Variants in PTPN2 observed in about 807,000 individuals in gnomAD.
PTPN2 encodes protein tyrosine phosphatase non-receptor type 2.
PTPN2 carries 19 observed loss-of-function variants against 57.3 expected under a neutral mutation model. That is an observed-to-expected ratio of 0.33 (90% CI 0.23 to 0.49). The LOEUF is 0.49. Among genes scored for constraint, PTPN2 ranks in the 20% least tolerant of loss-of-function variants. The probability of loss-of-function intolerance (pLI) is 0.99; values close to 1 mark genes in which losing one functional copy is unlikely to be tolerated. For missense variants in PTPN2, 358 were observed against 501.1 expected (o/e 0.71, Z 2.73); for synonymous variants, 153 against 164.9 (o/e 0.93, Z 0.55).
At chr18:12,873,532 C>T (rs1453147688) in intron 1 of PTPN2, among the ~76,000 whole-genome samples, 1 of 152,234 alleles carries the variant, frequency 6.6e-6, no homozygotes, top group Non-Finnish European at 1.5e-5. Context: ...GCGAGTGATC[C>T]GCCAGCCTCG....
intron 1 of PTPN2, 146 bp downstream of exon 1, chr18:12,883,927 G>T (rs2044761573): frequency 1.8e-6 from 1 of 549,470 alleles, no homozygotes; most frequent in Non-Finnish European, 3.1e-6. Flanking sequence ...GCGCAGGCGC[G>T]CCCCTGACGC....
downstream of PTPN2, among the ~76,000 whole-genome samples, chr18:12,791,642 A>C (rs183287508): frequency 6.9e-4 from 105 of 152,172 alleles, no homozygotes; most frequent in African/African-American, 2.5e-3. Flanking sequence ...ACTGAACACT[A>C]TTTAAAGCAT....
intron 1 of PTPN2, among the ~76,000 whole-genome samples, chr18:12,868,417 G>A (rs1029967446): frequency 6.6e-6 from 1 of 151,740 alleles, no homozygotes; most frequent in African/African-American, 2.4e-5. Context: ...ACCATGCCTG[G>A]CTAATTTTTG....
At chr18:12,816,660 C>T (rs1353976756) in intron 6 of PTPN2, among the ~76,000 whole-genome samples, 1 of 152,118 alleles carries the variant, frequency 6.6e-6, no homozygotes, top group Non-Finnish European at 1.5e-5. Context: ...AGACAGGAAC[C>T]TCAGGGGAGT....
chr18:12,875,318 A>T (rs565113), intron 1 of PTPN2, among the ~76,000 whole-genome samples: 15 of 39,046 alleles, frequency 3.8e-4, no homozygotes, highest in South Asian at 2.3e-3. Flanking sequence ...AATAAAAATT[A>T]AAAAAAAAAA....
chr18:12,817,122 A>G (rs372037050), intron 6 of PTPN2, 34 bp downstream of exon 6: 151 of 1,572,608 alleles, frequency 9.6e-5, no homozygotes, highest in Middle Eastern at 1.7e-4. Flanking sequence ...AAAAAAATCA[A>G]TGAGATTAAA....
At chr18:12,814,595 A>C (rs2042003074) in intron 6 of PTPN2, among the ~76,000 whole-genome samples, 1 of 152,148 alleles carries the variant, frequency 6.6e-6, no homozygotes, top group Admixed American at 6.6e-5. Context: ...TTCACAACTG[A>C]TTCCAAACCA....
At chr18:12,883,111 C>A (rs893541027) in intron 1 of PTPN2, among the ~76,000 whole-genome samples, 2 of 152,144 alleles carry the variant, frequency 1.3e-5, no homozygotes, top group Non-Finnish European at 2.9e-5. Flanking sequence ...ATCGGAACAC[C>A]GTGCCCCCGG....
intron 2 of PTPN2, among the ~76,000 whole-genome samples, chr18:12,846,034 A>T (rs2043194456): frequency 6.6e-6 from 1 of 152,212 alleles, no homozygotes; most frequent in African/African-American, 2.4e-5. Flanking sequence ...CAGTTGTTTT[A>T]TAGTGTTCCT....
chr18:12,785,901 GAACA>G, intron 9 of PTPN2: 1 of 1,387,174 alleles, frequency 7.2e-7, no homozygotes, highest in Non-Finnish European at 1.0e-6. Context: ...ACACACAGAC[GAACA>G]TAGATGCACA....
chr18:12,865,427 T>G (rs1260207667), intron 1 of PTPN2, among the ~76,000 whole-genome samples: 1 of 143,368 alleles, frequency 7.0e-6, no homozygotes, highest in Non-Finnish European at 1.5e-5. Flanking sequence ...AGAGCAAGAC[T>G]CTGTCTTTAT....
chr18:12,827,788 G>A (rs949742750), intron 4 of PTPN2, among the ~76,000 whole-genome samples: 5 of 152,024 alleles, frequency 3.3e-5, no homozygotes, highest in Non-Finnish European at 5.9e-5. Flanking sequence ...TCCAACATAC[G>A]TATAATAGGA....
chr18:12,871,461 TC>T (rs1398468215), intron 1 of PTPN2, among the ~76,000 whole-genome samples: 2 of 152,202 alleles, frequency 1.3e-5, no homozygotes, highest in African/African-American at 4.8e-5. Flanking sequence ...CATCTGTATT[TC>T]CGCTCTCTTT....
At chr18:12,868,839 G>A (rs2044086558) in intron 1 of PTPN2, among the ~76,000 whole-genome samples, 1 of 150,134 alleles carries the variant, frequency 6.7e-6, no homozygotes, top group Non-Finnish European at 1.5e-5. Context: ...ATAAAACAAA[G>A]GCTCATATTC....
intron 1 of PTPN2, among the ~76,000 whole-genome samples, chr18:12,870,157 T>G (rs979794392): frequency 6.7e-6 from 1 of 149,758 alleles, no homozygotes; most frequent in Non-Finnish European, 1.5e-5. Flanking sequence ...TTATGTGTGT[T>G]ATCTAAGAGG....
chr18:12,824,393 A>G (rs1172388684), intron 5 of PTPN2, among the ~76,000 whole-genome samples: 1 of 152,166 alleles, frequency 6.6e-6, no homozygotes, highest in Admixed American at 6.5e-5. Context: ...CAAGTGTTTC[A>G]AGGGATCCAC....
intron 4 of PTPN2, among the ~76,000 whole-genome samples, chr18:12,827,316 C>A (rs1189258933): frequency 6.7e-6 from 1 of 150,070 alleles, no homozygotes; most frequent in Non-Finnish European, 1.5e-5. Flanking sequence ...GCACTCCAGC[C>A]TGGGCGACAG....
At chr18:12,874,086 GC>G (rs1490781050) in intron 1 of PTPN2, among the ~76,000 whole-genome samples, 3 of 151,660 alleles carry the variant, frequency 2.0e-5, no homozygotes, top group Non-Finnish European at 4.4e-5. Flanking sequence ...GAGCCCCTCC[GC>G]CCGGCAGCCA....
chr18:12,855,527 C>T (rs2043557315), intron 2 of PTPN2, among the ~76,000 whole-genome samples: 1 of 152,042 alleles, frequency 6.6e-6, no homozygotes, highest in Admixed American at 6.6e-5. Flanking sequence ...GGTGATAGAA[C>T]ATGAAGCTAA....
Sources: allele counts gnomAD v4.1 joint callset (sites outside exome capture counted in the v4.1 genomes callset), GRCh38; gene constraint gnomAD v4.1.1; transcripts MANE v1.5; gene names NCBI Gene and HGNC (gene_info 2026-07-23, HGNC 2026-07-21).